Variants in MIB1 observed in about 807,000 individuals in gnomAD.
MIB1 encodes the protein E3 ubiquitin-protein ligase MIB1.
Under a neutral mutation model 124.5 loss-of-function variants are expected in MIB1, and 278 were observed. That is an observed-to-expected ratio of 2.23 (90% CI 2.02 to 2.47). MIB1 has a LOEUF of 2.47. MIB1 is among the 30% of genes most tolerant of loss of function. The pLI is 0.00. For synonymous variants in MIB1, 446 were observed against 429.4 expected, an observed-to-expected ratio of 1.04 and a Z score of -0.48; for missense variants, 957 against 1,254.4, an observed-to-expected ratio of 0.76 and a Z score of 3.58.
At chr18:21,775,138 G>A (rs939662192) in intron 4 of MIB1, among the ~76,000 whole-genome samples, 1 of 151,638 alleles carries the variant, frequency 6.6e-6, no homozygotes, top group African/African-American at 2.4e-5. Context: ...GTAGAGACGC[G>A]ATTTCACTGT....
intron 1 of MIB1, among the ~76,000 whole-genome samples, chr18:21,761,418 C>T (rs925510475): frequency 2.0e-5 from 3 of 152,154 alleles, no homozygotes; most frequent in African/African-American, 4.8e-5. Context: ...TACTGAAATA[C>T]AGGTATACCT....
rs1442960392 is a variant in MIB1 at position 21,829,566 on chromosome 18, AAAC to A, written c.1830-8793_1830-8791del. The A allele has an allele frequency of 1.4e-4, 21 of 152,208 alleles. No individual in the cohort carries two copies. In the East Asian group the frequency reaches 3.9e-3, roughly 28 times the overall value. The allele number at this position is 152,208 out of a possible 1,614,324, so 9.4% of individuals were successfully genotyped here. ...TTTCTGATATTGACTCTAGAAGTTGAAACAACAAGGAGAAAAACCAGGATGAGT... is the reference window on the plus strand; with the variant it reads ...TTTCTGATATTGACTCTAGAAGTTGAAACAAGGAGAAAAACCAGGATGAGT... On this transcript the variant is annotated intron_variant, in intron 12 of 20. Transcript: ENST00000261537.
At chr18:21,765,980 TTGTTTGTATTCAA>T (rs1386359330) in intron 2 of MIB1, 37 bp downstream of exon 2, 1 of 1,595,582 alleles carries the variant, frequency 6.3e-7, no homozygotes, top group Admixed American at 1.7e-5. Context: ...CCGAGGGTTT[TTGTTTGTATTCAA>T]GTTATGTACT....
chr18:21,819,804 T>C lies in MIB1; in HGVS notation c.1829+158T>C, dbSNP rs186613061. On this transcript the variant is annotated intron_variant, in intron 12 of 20. Coordinates refer to ENST00000261537, the MANE Select transcript of MIB1 (RefSeq NM_020774.4). ...TTATGCCTTTAGTTTTATATGATGATTATTTGGTTGTTAATCTAATACAAA... is the reference window on the plus strand; with the variant it reads ...TTATGCCTTTAGTTTTATATGATGACTATTTGGTTGTTAATCTAATACAAA... Among the ~76,000 whole-genome samples the C allele has an allele frequency of 2.4e-3, 371 of 152,328 alleles. 3 individuals carry two copies. Among genetic ancestry groups the C allele is most frequent in the Non-Finnish European group, 2.9e-3 (195 of 68,014 alleles).
At chr18:21,763,570 T>C (rs1486698496) in intron 1 of MIB1, among the ~76,000 whole-genome samples, 1 of 152,312 alleles carries the variant, frequency 6.6e-6, no homozygotes. Flanking sequence ...TTATTAGATA[T>C]TCTTATTTTT....
upstream of MIB1, among the ~76,000 whole-genome samples, chr18:21,737,342 T>G (rs555428406): frequency 3.5e-4 from 53 of 152,288 alleles, no homozygotes; most frequent in African/African-American, 1.3e-3. Flanking sequence ...TGAGAGATTT[T>G]GTCACCACCA....
At chr18:21,835,559 A>C (rs1019435791) in intron 12 of MIB1, among the ~76,000 whole-genome samples, 13 of 151,676 alleles carry the variant, frequency 8.6e-5, no homozygotes, top group African/African-American at 1.5e-4. Flanking sequence ...CGAGGTCAGG[A>C]GTTCAAGACC....
chr18:21,708,438 G>C (rs1371724350), intron 1 of MIB1, among the ~76,000 whole-genome samples: 1 of 152,188 alleles, frequency 6.6e-6, no homozygotes, highest in African/African-American at 2.4e-5. Flanking sequence ...TGAGTCACTT[G>C]AGGTCAGGAG....
chr18:21,765,947 G>T lies in MIB1; in HGVS notation c.401+4G>T. On this transcript the variant is annotated splice_donor_region_variant and intron_variant, in intron 2 of 20. Transcript: ENST00000261537. ...TTACTACACCGGGAAGTGAGAGGTA[G>T]GGAGAACCCTTTTCTTCTTCAACCG... 6.2e-7 allele frequency: 1 copy of T among 1,613,752 alleles called. No individual in the cohort carries two copies. Among genetic ancestry groups the T allele is most frequent in the East Asian group, 2.2e-5 (1 of 44,884 alleles).
At chr18:21,775,727 G>T (rs577109961) in intron 4 of MIB1, among the ~76,000 whole-genome samples, 4 of 152,276 alleles carry the variant, frequency 2.6e-5, no homozygotes, top group South Asian at 4.1e-4. Flanking sequence ...AATGAAGCCT[G>T]TGTGCTATAT....
rs1481271362 is a variant in MIB1 at position 21,818,888 on chromosome 18, T to TGC, written c.1678-607_1678-606insGC. Among the ~76,000 whole-genome samples, 5 of 152,218 alleles carry TGC rather than the reference T, an allele frequency of 3.3e-5. No individual in the cohort carries two copies. In the East Asian group the frequency reaches 9.6e-4, roughly 29 times the overall value. On this transcript the variant is annotated intron_variant, in intron 11 of 20. Coordinates refer to ENST00000261537, the MANE Select transcript of MIB1 (RefSeq NM_020774.4). Reference sequence around the variant, plus strand: ...AAGTGGAGGTTGCAGTGAGCTGAGATCGCGCTATTGTACTCCAGCCTGAGT... The same window carrying TGC: ...AAGTGGAGGTTGCAGTGAGCTGAGATGCCGCGCTATTGTACTCCAGCCTGAGT...
At chr18:21,756,111 C>G (rs1189522339) in intron 1 of MIB1, among the ~76,000 whole-genome samples, 2 of 152,134 alleles carry the variant, frequency 1.3e-5, no homozygotes, top group African/African-American at 4.8e-5. Flanking sequence ...GCCAGGAAAT[C>G]AAGGATTTTA....
At chr18:21,791,202 G>C in intron 6 of MIB1, 172 bp from the exon 7 acceptor site, 1 of 442,474 alleles carries the variant, frequency 2.3e-6, no homozygotes, top group Non-Finnish European at 3.8e-6. Flanking sequence ...AAACAAAACA[G>C]AAAACAAACA....
chr18:21,845,432 G>C (rs964707908), intron 15 of MIB1, among the ~76,000 whole-genome samples: 4 of 152,108 alleles, frequency 2.6e-5, no homozygotes, highest in African/African-American at 7.2e-5. Flanking sequence ...AGATATCTTT[G>C]CCAAACCCAA....
chr18:21,801,317 A>G (rs180678465), intron 9 of MIB1, among the ~76,000 whole-genome samples: 1 of 152,080 alleles, frequency 6.6e-6, no homozygotes. Context: ...TGCCCACAAG[A>G]CACACACATA....
rs887937796 is a variant in MIB1 at position 21,777,866 on chromosome 18, A to T, written c.637-237A>T. Among the ~76,000 whole-genome samples the T allele has an allele frequency of 5.9e-5, 9 of 152,314 alleles. No individual in the cohort carries two copies. In the East Asian group the frequency reaches 7.7e-4, roughly 13 times the overall value. On this transcript the variant is annotated intron_variant, in intron 4 of 20. Coordinates refer to ENST00000261537, the MANE Select transcript of MIB1 (RefSeq NM_020774.4). Reference sequence around the variant, plus strand: ...AGCCAACGTGTACAGCCAGATTCAGACATTCTAATTTTGAGCTTTAAAAGA... The same window carrying T: ...AGCCAACGTGTACAGCCAGATTCAGTCATTCTAATTTTGAGCTTTAAAAGA...
chr18:21,861,352 T>G (rs1236641863), intron 20 of MIB1, among the ~76,000 whole-genome samples: 3 of 152,114 alleles, frequency 2.0e-5, no homozygotes, highest in Middle Eastern at 3.4e-3. Context: ...TCCTTTCCCA[T>G]AAGACATCTA....
chr18:21,863,220 C>A (rs1013288957), intron 20 of MIB1, among the ~76,000 whole-genome samples: 1 of 152,216 alleles, frequency 6.6e-6, no homozygotes, highest in Admixed American at 6.5e-5. Flanking sequence ...TTAGAGTGCT[C>A]TCTTAGTTCT....
chr18:21,722,478 C>A (rs1003058599), intron 1 of MIB1, among the ~76,000 whole-genome samples: 1 of 151,776 alleles, frequency 6.6e-6, no homozygotes, highest in Non-Finnish European at 1.5e-5. Flanking sequence ...TCAGGCAATT[C>A]TCTTGCCTCA....
Sources: gnomAD v4.1 joint callset for allele counts (sites outside exome capture counted in the v4.1 genomes callset) on GRCh38, gnomAD v4.1.1 for gene constraint, MANE v1.5 for transcripts, NCBI Gene and HGNC (gene_info 2026-07-23, HGNC 2026-07-21) for gene names.